The following MYO10 variants were observed in gnomAD, a reference collection of about 807,000 sequenced individuals.
MYO10 encodes unconventional myosin-X.
A neutral mutation model predicts 257.3 loss-of-function variants in MYO10; 133 were observed. That is an observed-to-expected ratio of 0.52 (90% CI 0.45 to 0.60). MYO10 has a LOEUF of 0.60. Among genes scored for constraint, MYO10 ranks in the 20% least tolerant of loss-of-function variants. The probability of loss-of-function intolerance (pLI) is 0.00; values close to 1 mark genes in which losing one functional copy is unlikely to be tolerated. For synonymous variants in MYO10, 1,104 were observed against 1,028.6 expected (o/e 1.07, Z -1.40); for missense variants, 2,399 against 2,635.7 (o/e 0.91, Z 1.97).
At position 16,701,713 on chromosome 5, in the gene MYO10, C is replaced by T. The variant is rs1738088410; in HGVS notation, c.2682G>A (p.Glu894=). ...NKQVEEILRL[E]KEIEDLQRMK... Reference sequence around the variant, plus strand: ...TGCGCTGCAGGTCCTCGATTTCTTTCTCCAGACGGAGGATCTCTTCCACCT... The same window carrying T: ...TGCGCTGCAGGTCCTCGATTTCTTTTTCCAGACGGAGGATCTCTTCCACCT... The change falls in exon 25 of 41, where the codon GAG becomes GAA. Residue 894 remains glutamate, a synonymous_variant. Transcript: ENST00000513610. This position sits in a 1 kb window ranked among gnomAD's most constrained non-coding sequence, Gnocchi z 8.1. 4 of 1,614,024 alleles carry T rather than the reference C, an allele frequency of 2.5e-6. No individual in the cohort carries two copies. Among genetic ancestry groups the T allele is most frequent in the Non-Finnish European group, 3.4e-6 (4 of 1,179,894 alleles).
At chr5:16,782,076 G>A (rs763740371) in intron 5 of MYO10, among the ~76,000 whole-genome samples, 4 of 152,180 alleles carry the variant, frequency 2.6e-5, no homozygotes, top group African/African-American at 4.8e-5. Flanking sequence ...TAAGGGGACC[G>A]CAATGGCTCG....
intron 2 of MYO10, among the ~76,000 whole-genome samples, chr5:16,861,800 GA>G (rs890452237): frequency 1.2e-4 from 18 of 152,222 alleles, no homozygotes; most frequent in African/African-American, 4.3e-4. Context: ...TGAAAAAGTG[GA>G]AAGATGATAA....
rs149240809 is a variant in MYO10, at chr5:16,696,450, C to T, written c.3557-1836G>A. ...AAATGAGGCTGCATTTACACAATAGCTTTAAGAGATGCCGAAAACTCACCC... is the reference window on the plus strand; with the variant it reads ...AAATGAGGCTGCATTTACACAATAGTTTTAAGAGATGCCGAAAACTCACCC... On this transcript the variant is annotated intron_variant, in intron 26 of 40. Transcript: ENST00000513610. Among the ~76,000 whole-genome samples, 27 of 152,318 alleles carry T rather than the reference C, an allele frequency of 1.8e-4. No individual in the cohort carries two copies. The East Asian group carries it at 4.6e-3, about 26-fold the overall frequency.
intron 19 of MYO10, among the ~76,000 whole-genome samples, chr5:16,725,698 G>A (rs975439336): frequency 3.9e-5 from 6 of 151,994 alleles, no homozygotes; most frequent in African/African-American, 1.5e-4. Flanking sequence ...CCATTAATTA[G>A]CATTTTCATT....
rs550871122 is a variant in MYO10 at position 16,866,140 on chromosome 5, T to C, written c.120+11469A>G. ...TTTCCTTTCAATTCAAACGTGGGTA[T>C]TTGCCGAAGAAACTAGTAATAGCAA... On this transcript the variant is annotated intron_variant, in intron 2 of 40. Transcript: ENST00000513610. Among the ~76,000 whole-genome samples, 8 of 152,030 alleles carry C rather than the reference T, an allele frequency of 5.3e-5. No individual in the cohort carries two copies. The South Asian group carries it at 1.5e-3, about 28-fold the overall frequency.
chr5:16,899,997 C>CAAAAAAAAAAAAAAAAAAAAAAAAAAA, intron 1 of MYO10, among the ~76,000 whole-genome samples: 1 of 88,288 alleles, frequency 1.1e-5, no homozygotes, highest in African/African-American at 4.8e-5. Flanking sequence ...GATGCTGTCT[C>CAAAAAAAAAAAAAAAAAAAAAAAAAAA]AAAAAAAAAA....
chr5:16,716,001 A>G (rs1738853525), intron 19 of MYO10, among the ~76,000 whole-genome samples: 2 of 151,592 alleles, frequency 1.3e-5, no homozygotes. Flanking sequence ...GGTTGCAGTG[A>G]GCTGAGATCG....
chr5:16,827,020 G>T (rs911957055), intron 2 of MYO10, among the ~76,000 whole-genome samples: 1 of 152,164 alleles, frequency 6.6e-6, no homozygotes, highest in African/African-American at 2.4e-5. Flanking sequence ...CAACCAAGAA[G>T]AGTCTAAGAA....
Position 16,714,654 on chromosome 5 carries a change from C to A in MYO10, c.1930-3409G>T, listed in dbSNP as rs144292226. ...CTAACAGGGTGAAACCCCGTCTCTA[C>A]TAAAAATACAAAAACAAAATTAGCC... On this transcript the variant is annotated intron_variant, in intron 19 of 40. Transcript: ENST00000513610. Among the ~76,000 whole-genome samples, 803 of 152,310 alleles carry A rather than the reference C, an allele frequency of 5.3e-3. 11 individuals carry two copies. The highest frequency in any genetic ancestry group is 0.019 in the African/African-American group (773 of 41,576).
rs1737895296 is a variant in MYO10 at position 16,698,915 on chromosome 5, GC to G, written c.3556+534del. On this transcript the variant is annotated intron_variant, in intron 26 of 40. Coordinates refer to ENST00000513610, the MANE Select transcript of MYO10 (RefSeq NM_012334.3). ...TGGGATTACAGGCGTGAGCCACCACGCCCGGCCGAGAACATGCAGTTTATCA... is the reference window on the plus strand; with the variant it reads ...TGGGATTACAGGCGTGAGCCACCACGCCGGCCGAGAACATGCAGTTTATCA... 2.1e-5 allele frequency among the ~76,000 whole-genome samples: 3 copies of G among 143,818 alleles called. No individual in the cohort carries two copies. In the South Asian group the frequency reaches 6.3e-4, roughly 30 times the overall value. The allele number at this position is 143,818 out of a possible 152,430, so 94.4% of individuals were successfully genotyped here. A position where few individuals can be genotyped will look rare whatever the true frequency, so the allele number is the denominator to read the frequency against.
chr5:16,758,635 A>G (rs1740604284), intron 17 of MYO10, among the ~76,000 whole-genome samples: 1 of 152,132 alleles, frequency 6.6e-6, no homozygotes, highest in Non-Finnish European at 1.5e-5. Flanking sequence ...GGGGAACACT[A>G]ATTACAGGGT....
At chr5:16,874,439 A>G (rs571748886) in intron 2 of MYO10, among the ~76,000 whole-genome samples, 14 of 148,490 alleles carry the variant, frequency 9.4e-5, no homozygotes, top group Non-Finnish European at 1.8e-4. Context: ...AATGCCTTTA[A>G]CAGCCCCCAC....
chr5:16,893,497 G>A (rs1745129436), intron 1 of MYO10, among the ~76,000 whole-genome samples: 2 of 151,852 alleles, frequency 1.3e-5, no homozygotes, highest in South Asian at 2.1e-4. Context: ...AGCCAGGTGT[G>A]GTGGTGCATG....
chr5:16,785,169 T>A (rs976561358), intron 4 of MYO10, among the ~76,000 whole-genome samples: 4 of 152,202 alleles, frequency 2.6e-5, no homozygotes, highest in African/African-American at 9.7e-5. Context: ...CCCTGCCTCA[T>A]GTAGTCTGAA....
intron 19 of MYO10, among the ~76,000 whole-genome samples, chr5:16,740,035 G>A (rs1435329833): frequency 6.6e-6 from 1 of 152,294 alleles, no homozygotes; most frequent in Non-Finnish European, 1.5e-5. Flanking sequence ...GAAGAACAGA[G>A]TGAAGTGCTG....
chr5:16,835,465 G>A (rs374162572), intron 2 of MYO10, among the ~76,000 whole-genome samples: 4 of 143,824 alleles, frequency 2.8e-5, no homozygotes, highest in East Asian at 2.1e-4. Flanking sequence ...CCAGTGAGCC[G>A]AGATCACACC....
Position 16,668,294 on chromosome 5 carries a change from G to C in MYO10, c.6058C>G (p.Leu2020Val), listed in dbSNP as rs202117220. Residue 2020 changes from leucine to valine, a missense_variant, in exon 40 of 41, where the codon CTC becomes GTC. Physicochemically the swap from Leu to Val is conservative, Grantham distance 32. Transcript: ENST00000513610. ...CCTCTTACCTCACTGGTTTCAAAGA[G>C]CAGCTCCCTCTCATCGACCACGATC... ...YKIVVDEREL[L>V]FETSEVVDVA... The C allele has an allele frequency of 3.5e-4, 566 of 1,612,432 alleles. No individual in the cohort carries two copies. The highest frequency in any genetic ancestry group is 4.4e-4 in the Non-Finnish European group (518 of 1,179,374).
intron 4 of MYO10, among the ~76,000 whole-genome samples, chr5:16,786,923 C>CT (rs1368496226): frequency 6.6e-6 from 1 of 152,042 alleles, no homozygotes; most frequent in Non-Finnish European, 1.5e-5. Context: ...AATCCTACCA[C>CT]TTTGGGAGGC....
intron 19 of MYO10, among the ~76,000 whole-genome samples, chr5:16,718,260 C>T (rs1000892083): frequency 1.3e-5 from 2 of 152,214 alleles, no homozygotes; most frequent in Admixed American, 6.5e-5. Flanking sequence ...CCTGTGCGGC[C>T]GGAGCCTCCC....
Sources: allele counts gnomAD v4.1 joint callset (sites outside exome capture counted in the v4.1 genomes callset), GRCh38; gene constraint gnomAD v4.1.1; non-coding constraint Gnocchi (gnomAD v3.1); transcripts MANE v1.5; gene names NCBI Gene and HGNC (gene_info 2026-07-23, HGNC 2026-07-21).